Variants in GRM1 observed in about 807,000 individuals in gnomAD.
GRM1 encodes the protein glutamate metabotropic receptor 1.
Under a neutral mutation model 90.9 loss-of-function variants are expected in GRM1, and 33 were observed. The ratio of observed to expected loss-of-function variants is 0.36; its 90% CI spans 0.28 to 0.49. The LOEUF is 0.49. Ranked by LOEUF, GRM1 falls within the 20% of genes least tolerant of loss-of-function variation. The pLI is 0.99. For synonymous variants in GRM1, 700 were observed against 613.2 expected, an observed-to-expected ratio of 1.14 and a Z score of -2.09; for missense variants, 1,190 against 1,534.3, an observed-to-expected ratio of 0.78 and a Z score of 3.75.
At chr6:146,222,642 C>T (rs1780107649) in intron 2 of GRM1, among the ~76,000 whole-genome samples, 2 of 152,056 alleles carry the variant, frequency 1.3e-5, no homozygotes, top group South Asian at 2.1e-4. Flanking sequence ...GGCCCACTCA[C>T]GTTGGAAAGA....
At chr6:146,395,128 G>A (rs1203676977) in intron 6 of GRM1, among the ~76,000 whole-genome samples, 1 of 152,120 alleles carries the variant, frequency 6.6e-6, no homozygotes, top group African/African-American at 2.4e-5. Context: ...AGAGAGCAGA[G>A]ACCTTTTAGT....
intron 7 of GRM1, among the ~76,000 whole-genome samples, chr6:146,428,100 A>T (rs1778280393): frequency 6.6e-6 from 1 of 152,260 alleles, no homozygotes; most frequent in Non-Finnish European, 1.5e-5. Context: ...GAACTTTCAG[A>T]ATAGGATCTA....
intron 1 of GRM1, among the ~76,000 whole-genome samples, chr6:146,144,551 TA>T (rs1777018235): frequency 6.6e-6 from 1 of 152,230 alleles, no homozygotes; most frequent in African/African-American, 2.4e-5. Flanking sequence ...TCCATCATTA[TA>T]AGAAATAAAT....
intron 2 of GRM1, among the ~76,000 whole-genome samples, chr6:146,264,261 C>G (rs915513326): frequency 1.3e-5 from 2 of 152,074 alleles, no homozygotes; most frequent in Middle Eastern, 3.4e-3. Context: ...TTTCAGTGTT[C>G]TAAAATGAGT....
rs541504298 is a variant in GRM1, at chr6:146,123,692, T to C, written c.701-35656T>C. On this transcript the variant is annotated intron_variant, in intron 1 of 7. Coordinates refer to ENST00000282753, the MANE Select transcript of GRM1 (RefSeq NM_001278064.2). ...TGAATTCTGAGAGGAACACTCACTT[T>C]GTTAGTAGCCTTCCCTCATGTCTTT... 2.0e-5 allele frequency among the ~76,000 whole-genome samples: 3 copies of C among 152,336 alleles called. No homozygotes were observed. In the East Asian group the frequency reaches 5.8e-4, roughly 29 times the overall value.
At chr6:146,181,205 A>G (rs1276682429) in intron 2 of GRM1, among the ~76,000 whole-genome samples, 2 of 152,018 alleles carry the variant, frequency 1.3e-5, no homozygotes, top group Non-Finnish European at 2.9e-5. Flanking sequence ...AGAGGCTAGG[A>G]AACTTGAAAT....
At chr6:146,071,945 T>A (rs1468407500) in intron 1 of GRM1, among the ~76,000 whole-genome samples, 1 of 152,024 alleles carries the variant, frequency 6.6e-6, no homozygotes, top group Non-Finnish European at 1.5e-5. Context: ...CTGAGAGCTG[T>A]CCCAGTAGCT....
intron 2 of GRM1, among the ~76,000 whole-genome samples, chr6:146,167,739 T>C (rs1777960932): frequency 6.6e-6 from 1 of 152,154 alleles, no homozygotes; most frequent in Non-Finnish European, 1.5e-5. Flanking sequence ...AGGTTGTTTA[T>C]CTTCTCATTA....
At chr6:146,242,672 T>A (rs546348434) in intron 2 of GRM1, among the ~76,000 whole-genome samples, 4 of 152,202 alleles carry the variant, frequency 2.6e-5, no homozygotes, top group East Asian at 1.9e-4. Context: ...ACCTGAGAGG[T>A]AGTAGGGAAA....
chr6:146,395,311 G>T (rs1459546751), intron 6 of GRM1, among the ~76,000 whole-genome samples: 1 of 152,038 alleles, frequency 6.6e-6, no homozygotes, highest in Admixed American at 6.6e-5. Context: ...CCTACAGAGG[G>T]AGAGAATATG....
At chr6:146,222,878 G>C (rs1162071445) in intron 2 of GRM1, among the ~76,000 whole-genome samples, 6 of 152,106 alleles carry the variant, frequency 3.9e-5, no homozygotes, top group Non-Finnish European at 2.9e-5. Flanking sequence ...GGGACCTTCA[G>C]ATGAGTGAGT....
intron 7 of GRM1, among the ~76,000 whole-genome samples, chr6:146,408,877 C>G (rs182846862): frequency 1.8e-4 from 27 of 152,174 alleles, no homozygotes; most frequent in African/African-American, 6.5e-4. Context: ...AAAAGTGAAG[C>G]AGACTGTGTG....
intron 7 of GRM1, among the ~76,000 whole-genome samples, chr6:146,432,577 AT>A (rs1316070691): frequency 3.9e-5 from 6 of 152,228 alleles, no homozygotes; most frequent in Admixed American, 6.5e-5. Context: ...AAAGAAAAAA[AT>A]GTCCATTTTT....
chr6:146,046,390 G>A (rs757611334), intron 1 of GRM1, among the ~76,000 whole-genome samples: 30 of 151,904 alleles, frequency 2.0e-4, no homozygotes, highest in Non-Finnish European at 2.9e-5. Context: ...TAGATGTGGG[G>A]TTACACACAG....
chr6:146,424,807 AT>A (rs1190185660), intron 7 of GRM1, among the ~76,000 whole-genome samples: 1 of 152,174 alleles, frequency 6.6e-6, no homozygotes, highest in Non-Finnish European at 1.5e-5. Context: ...CTTTGAGTGT[AT>A]TTTCTATCTT....
intron 3 of GRM1, among the ~76,000 whole-genome samples, chr6:146,330,325 G>A (rs1223955943): frequency 6.6e-6 from 1 of 152,142 alleles, no homozygotes; most frequent in Non-Finnish European, 1.5e-5. Context: ...AAAGAGAAAA[G>A]TTTCCGGAGA....
intron 5 of GRM1, among the ~76,000 whole-genome samples, chr6:146,377,752 G>T (rs1489936019): frequency 2.0e-5 from 3 of 152,136 alleles, no homozygotes; most frequent in South Asian, 2.1e-4. Context: ...CCCATCACAG[G>T]TCCAGAGGCC....
chr6:146,353,144 G>A (rs1360368483), intron 4 of GRM1, among the ~76,000 whole-genome samples: 2 of 152,214 alleles, frequency 1.3e-5, no homozygotes, highest in Non-Finnish European at 2.9e-5. Flanking sequence ...AGTCTGCTCT[G>A]CAATACTTGT....
chr6:146,233,580 G>C (rs1201040292), intron 2 of GRM1, among the ~76,000 whole-genome samples: 3 of 152,028 alleles, frequency 2.0e-5, no homozygotes, highest in African/African-American at 7.2e-5. Flanking sequence ...AAAGGGTGTT[G>C]TTTAATTTGG....
Sources: gnomAD v4.1 joint callset for allele counts (sites outside exome capture counted in the v4.1 genomes callset) on GRCh38, gnomAD v4.1.1 for gene constraint, MANE v1.5 for transcripts, NCBI Gene and HGNC (gene_info 2026-07-23, HGNC 2026-07-21) for gene names.